The following HAO1 variants were observed in gnomAD, a reference collection of about 807,000 sequenced individuals.
HAO1 encodes the protein 2-Hydroxyacid oxidase 1.
In HAO1, 34 loss-of-function variants were observed where a neutral mutation model predicts 39.7. The ratio of observed to expected loss-of-function variants is 0.86; its 90% CI spans 0.65 to 1.14. The LOEUF (loss-of-function observed/expected upper bound fraction) is 1.14, where lower values mean the gene tolerates loss of function less well. HAO1 is among the 50% of genes most tolerant of loss of function. The pLI is 0.00. For synonymous variants in HAO1, 172 were observed against 173.2 expected (o/e 0.99, Z 0.05); for missense variants, 479 against 464.5 (o/e 1.03, Z -0.29).
In HAO1 at chr20:7,885,583, T is replaced by C. The variant is rs1568507697; in HGVS notation, c.980A>G (p.Lys327Arg). The change falls in exon 7 of 8, where the codon AAA (lysine) becomes AGA (arginine). Residue 327 changes from lysine to arginine, a missense_variant. By Grantham distance (26) the Lys-to-Arg change is conservative. Transcript: ENST00000378789. The part of the protein sequence containing the change: ...IVWGLAFQGE[K>R]GVQDVLEILK... ...TATCTCGAGGACATCTTGAACACCT[T>C]TCTCCCCCTAACCAAGTGAAAAGAT... 6.2e-7 allele frequency: 1 copy of C among 1,610,544 alleles called. No individual in the cohort carries two copies. Among genetic ancestry groups the C allele is most frequent in the Non-Finnish European group, 8.5e-7 (1 of 1,176,870 alleles).
intron 5 of HAO1, among the ~76,000 whole-genome samples, chr20:7,890,365 C>A (rs181830164): frequency 1.4e-4 from 21 of 152,136 alleles, no homozygotes; most frequent in Admixed American, 9.8e-4. Flanking sequence ...AGATGCCAAC[C>A]ACCATGCCCG....
chr20:7,936,569 C>A (rs1463280150), intron 1 of HAO1, among the ~76,000 whole-genome samples: 3 of 138,166 alleles, frequency 2.2e-5, no homozygotes, highest in African/African-American at 2.7e-5. Context: ...CGCGCGCGTG[C>A]GTGCCAAAAG....
intron 7 of HAO1, 41 bp from the exon 8 acceptor site, chr20:7,883,704 A>G (rs747696783): frequency 2.1e-5 from 28 of 1,304,314 alleles, no homozygotes; most frequent in Middle Eastern, 1.8e-4. Context: ...ACTGAATGCA[A>G]TAATAATCAG....
Position 7,909,360 on chromosome 20 carries a change from C to CATATATATATATAT in HAO1, c.546-3045_546-3032dup, listed in dbSNP as rs749171756. Among the ~76,000 whole-genome samples the CATATATATATATAT allele has an allele frequency of 2.2e-3, 237 of 109,006 alleles. 8 individuals carry two copies. Among genetic ancestry groups the CATATATATATATAT allele is most frequent in the South Asian group, 0.013 (35 of 2,672 alleles). The allele number at this position is 109,006 out of a possible 152,430, so 71.5% of individuals were successfully genotyped here. On this transcript the variant is annotated intron_variant, in intron 3 of 7. Coordinates refer to ENST00000378789, the MANE Select transcript of HAO1 (RefSeq NM_017545.3). ...AATGCTATTTTTATTCGGATTATGACATATATATATATATATATGTATATA... is the reference window on the plus strand; with the variant it reads ...AATGCTATTTTTATTCGGATTATGACATATATATATATATATATATATATATATATATGTATATA...
chr20:7,931,129 G>T (rs1441249772), intron 2 of HAO1, among the ~76,000 whole-genome samples: 1 of 152,170 alleles, frequency 6.6e-6, no homozygotes, highest in Non-Finnish European at 1.5e-5. Context: ...TGATGTTGCT[G>T]CCCTGATAGG....
At chr20:7,903,457 T>C (rs1478231240) in intron 4 of HAO1, among the ~76,000 whole-genome samples, 1 of 151,976 alleles carries the variant, frequency 6.6e-6, no homozygotes, top group Admixed American at 6.6e-5. Context: ...GTGGTGATGA[T>C]GGTGGTAGTG....
At chr20:7,910,198 A>G (rs2050271934) in intron 3 of HAO1, among the ~76,000 whole-genome samples, 2 of 152,230 alleles carry the variant, frequency 1.3e-5, no homozygotes, top group South Asian at 4.1e-4. Flanking sequence ...AATAAATTAC[A>G]AAGTGTAGCA....
chr20:7,898,938 T>C (rs1300416635), intron 4 of HAO1, among the ~76,000 whole-genome samples: 2 of 116,394 alleles, frequency 1.7e-5, no homozygotes, highest in African/African-American at 5.4e-5. Flanking sequence ...GAACTTCAAG[T>C]CAAATGTAAA....
At chr20:7,930,818 G>C (rs1452836770) in intron 2 of HAO1, among the ~76,000 whole-genome samples, 1 of 152,150 alleles carries the variant, frequency 6.6e-6, no homozygotes, top group East Asian at 1.9e-4. Context: ...GGCTCATGTT[G>C]CAACAGATAA....
chr20:7,896,625 A>T (rs2122758157), intron 4 of HAO1, among the ~76,000 whole-genome samples: 1 of 152,192 alleles, frequency 6.6e-6, no homozygotes, highest in South Asian at 2.1e-4. Flanking sequence ...ATCCTCTCAA[A>T]ATTTGTATTT....
chr20:7,925,010 C>T (rs962513774), intron 2 of HAO1, among the ~76,000 whole-genome samples: 3 of 152,116 alleles, frequency 2.0e-5, no homozygotes, highest in African/African-American at 4.8e-5. Context: ...TAACTGTGCA[C>T]CATAATGTCC....
Position 7,940,443 on chromosome 20 carries a change from C to T in HAO1, c.-21G>A. 6.3e-7 allele frequency: 1 copy of T among 1,577,822 alleles called. No individual in the cohort carries two copies. The highest frequency in any genetic ancestry group is 1.2e-5 in the South Asian group (1 of 83,832). The stretch of plus-strand genomic sequence containing the variant: ...AGCATTTTCACAGGTTATTGCTATC[C>T]CAGATGGAGTTCGTTGTTTTTTTTT... On this transcript the variant is annotated 5_prime_UTR_variant, in exon 1 of 8. Coordinates refer to ENST00000378789, the MANE Select transcript of HAO1 (RefSeq NM_017545.3).
intron 4 of HAO1, among the ~76,000 whole-genome samples, chr20:7,898,567 GT>G (rs1238106050): frequency 3.3e-5 from 5 of 152,160 alleles, no homozygotes; most frequent in Admixed American, 2.6e-4. Context: ...TTCATAAATG[GT>G]TCTCTAAAGA....
chr20:7,909,360 C>CATATATATATATATATATGTATATATAT (rs1555774011), intron 3 of HAO1, among the ~76,000 whole-genome samples: 34 of 109,066 alleles, frequency 3.1e-4, no homozygotes, highest in Admixed American at 2.5e-3. Flanking sequence ...CGGATTATGA[C>CATATATATATATATATATGTATATATAT]ATATATATAT....
At chr20:7,920,828 C>G (rs1008808104) in intron 2 of HAO1, among the ~76,000 whole-genome samples, 1 of 152,040 alleles carries the variant, frequency 6.6e-6, no homozygotes, top group Non-Finnish European at 1.5e-5. Context: ...AATGCTATAA[C>G]GAACATAGAA....
At chr20:7,920,416 T>G (rs1195814556) in intron 2 of HAO1, among the ~76,000 whole-genome samples, 1 of 152,168 alleles carries the variant, frequency 6.6e-6, no homozygotes, top group Admixed American at 6.6e-5. Context: ...TACCATTTTT[T>G]TGTAGGGAGA....
intron 3 of HAO1, among the ~76,000 whole-genome samples, chr20:7,907,278 G>A (rs2050253099): frequency 6.6e-6 from 1 of 152,154 alleles, no homozygotes; most frequent in Admixed American, 6.6e-5. Context: ...TCTGCCAGTG[G>A]TTTTTTCTTG....
chr20:7,923,376 T>A (rs1391056839), intron 2 of HAO1, among the ~76,000 whole-genome samples: 1 of 152,188 alleles, frequency 6.6e-6, no homozygotes, highest in Non-Finnish European at 1.5e-5. Flanking sequence ...TTATTTCTGA[T>A]CCAGGTAATC....
Position 7,906,216 on chromosome 20 carries a change from T to C in HAO1, c.659A>G (p.Glu220Gly), listed in dbSNP as rs1188119017. The change falls in exon 4 of 8, where the codon GAA (glutamate) becomes GGA (glycine). Residue 220 changes from glutamate to glycine, a missense_variant. Coordinates refer to ENST00000378789, the MANE Select transcript of HAO1 (RefSeq NM_017545.3). ...AKAIDPSISW[E>G]DIKWLRRLTS... is the part of the protein sequence containing the mutation. ...CAGTCTTCTCAGCCATTTGATATCTTCCCAGCTGATAGATGGGTCTATTGC... is the reference window on the plus strand; with the variant it reads ...CAGTCTTCTCAGCCATTTGATATCTCCCCAGCTGATAGATGGGTCTATTGC... The C allele has an allele frequency of 6.2e-6, 10 of 1,612,412 alleles. No individual in the cohort carries two copies. Among genetic ancestry groups the C allele is most frequent in the Non-Finnish European group, 8.5e-6 (10 of 1,178,472 alleles).
Sources: gnomAD v4.1 joint callset for allele counts (sites outside exome capture counted in the v4.1 genomes callset) on GRCh38, gnomAD v4.1.1 for gene constraint, MANE v1.5 for transcripts, NCBI Gene and HGNC (gene_info 2026-07-23, HGNC 2026-07-21) for gene names.